Variants in TNRC6C observed in about 807,000 individuals in gnomAD.
TNRC6C encodes trinucleotide repeat containing adaptor 6C.
A neutral mutation model predicts 153.7 loss-of-function variants in TNRC6C; 20 were observed. That is an observed-to-expected ratio of 0.13 (90% CI 0.09 to 0.19). The LOEUF (loss-of-function observed/expected upper bound fraction) is 0.19. Among genes scored for constraint, TNRC6C ranks in the 10% least tolerant of loss-of-function variants. The pLI, the probability that TNRC6C is intolerant of heterozygous loss-of-function variation, is 1.00. For missense variants in TNRC6C, 1,987 were observed against 2,172.0 expected (o/e 0.91, Z 1.69); for synonymous variants, 811 against 841.4 (o/e 0.96, Z 0.63).
chr17:78,048,904 A>G, exon 3 of TNRC6C: 5 of 1,265,006 alleles, frequency 4.0e-6, no homozygotes, highest in Non-Finnish European at 5.0e-6. Flanking sequence ...ACAGCAGCCT[A>G]CTTACAGAAG....
chr17:77,985,260 G>A (rs931697741), intron 1 of TNRC6C, among the ~76,000 whole-genome samples: 2 of 152,016 alleles, frequency 1.3e-5, no homozygotes, highest in African/African-American at 4.8e-5. Flanking sequence ...TCAATTCCTA[G>A]GCTACCCATG....
chr17:77,978,961 C>T (rs758984350), intron 1 of TNRC6C, among the ~76,000 whole-genome samples: 9 of 152,166 alleles, frequency 5.9e-5, no homozygotes, highest in Non-Finnish European at 8.8e-5. Context: ...CATTCACAGC[C>T]TCAGCCTATC....
chr17:78,097,476 G>A (rs368923946), intron 16 of TNRC6C, among the ~76,000 whole-genome samples: 3 of 152,132 alleles, frequency 2.0e-5, no homozygotes, highest in Non-Finnish European at 4.4e-5. Flanking sequence ...GCATTCTGGC[G>A]GGAATTCTCA....
At chr17:78,057,651 G>A (rs574243370) in intron 3 of TNRC6C, among the ~76,000 whole-genome samples, 32 of 152,256 alleles carry the variant, frequency 2.1e-4, no homozygotes, top group African/African-American at 6.3e-4. Context: ...ACTTCATGAA[G>A]TTTCTGCTAT....
intron 8 of TNRC6C, 93 bp from the exon 11 acceptor site, chr17:78,077,088 TATCC>T: frequency 7.4e-7 from 1 of 1,357,454 alleles, no homozygotes; most frequent in South Asian, 1.5e-5. Flanking sequence ...GTTAATTATT[TATCC>T]ATCCACGCCT....
intron 15 of TNRC6C, chr17:78,093,390 A>G: frequency 1.5e-6 from 1 of 672,196 alleles, no homozygotes; most frequent in South Asian, 2.0e-5. Context: ...TATCCGGTAA[A>G]ACTATTCCAA....
At chr17:77,958,938 C>T (rs1439034039), upstream of TNRC6C, among the ~76,000 whole-genome samples, 1 of 146,098 alleles carries the variant, frequency 6.8e-6, no homozygotes, top group African/African-American at 2.5e-5. Flanking sequence ...CCCAGCCGTC[C>T]GCAGCTGCCA....
intron 1 of TNRC6C, among the ~76,000 whole-genome samples, chr17:78,015,667 T>G (rs1416873072): frequency 1.3e-5 from 2 of 152,162 alleles, no homozygotes; most frequent in Non-Finnish European, 2.9e-5. Flanking sequence ...TCCCAGCCAC[T>G]TTGGGAGGCC....
At chr17:78,065,867 A>G (rs941046603) in intron 4 of TNRC6C, among the ~76,000 whole-genome samples, 14 of 152,214 alleles carry the variant, frequency 9.2e-5, no homozygotes, top group Admixed American at 7.2e-4. Context: ...GAATTCTTAT[A>G]TGGGTGTTTT....
intron 2 of TNRC6C, among the ~76,000 whole-genome samples, chr17:78,036,496 C>T (rs1567927478): frequency 6.6e-6 from 1 of 151,936 alleles, no homozygotes; most frequent in East Asian, 1.9e-4. Context: ...TAAAATTAAA[C>T]AATAGAGGAG....
intron 1 of TNRC6C, among the ~76,000 whole-genome samples, chr17:77,993,908 A>G (rs368413238): frequency 2.6e-5 from 4 of 151,988 alleles, no homozygotes; most frequent in African/African-American, 7.3e-5. Flanking sequence ...TATAGAAACT[A>G]TTGGCTGGGC....
At chr17:78,014,092 A>G (rs1295571225) in intron 1 of TNRC6C, among the ~76,000 whole-genome samples, 1 of 152,162 alleles carries the variant, frequency 6.6e-6, no homozygotes, top group Non-Finnish European at 1.5e-5. Flanking sequence ...AATACCTAAG[A>G]TTACTGCTAT....
chr17:78,085,127 G>A (rs890001291), intron 11 of TNRC6C, among the ~76,000 whole-genome samples: 1 of 152,162 alleles, frequency 6.6e-6, no homozygotes, highest in Non-Finnish European at 1.5e-5. Flanking sequence ...TTACTGTAGA[G>A]GAAGATCGCT....
rs574079020 is a variant in TNRC6C at position 78,028,144 on chromosome 17, C to G, written c.-545-3372C>G. Among the ~76,000 whole-genome samples, 4 of 152,314 alleles carry G rather than the reference C, an allele frequency of 2.6e-5. 1 individual carries two copies. Among genetic ancestry groups the G allele is most frequent in the African/African-American group, 9.6e-5 (4 of 41,566 alleles). On this transcript the variant is annotated intron_variant, in intron 1 of 19. Coordinates refer to ENST00000301624, the Ensembl canonical transcript of TNRC6C. ...CGATCTGACCTTGTGATCTGCCCGCCTCGGCCTCCCAAAGTGCTGGGATTA... is the reference window on the plus strand; with the variant it reads ...CGATCTGACCTTGTGATCTGCCCGCGTCGGCCTCCCAAAGTGCTGGGATTA...
intron 3 of TNRC6C, among the ~76,000 whole-genome samples, chr17:78,054,042 G>T (rs775271391): frequency 2.6e-5 from 4 of 152,126 alleles, no homozygotes; most frequent in Non-Finnish European, 4.4e-5. Context: ...TAGGCTATAC[G>T]GTACAGCCTG....
At chr17:78,098,419 A>G (rs777597266) in exon 17 of TNRC6C, 8 of 1,613,790 alleles carry the variant, frequency 5.0e-6, no homozygotes, top group South Asian at 2.2e-5. Context: ...CTCATGAACT[A>G]TGGAAGGTGC....
At chr17:78,031,059 A>G (rs1002822873) in intron 1 of TNRC6C, among the ~76,000 whole-genome samples, 9 of 152,062 alleles carry the variant, frequency 5.9e-5, no homozygotes, top group Non-Finnish European at 1.0e-4. Context: ...AGATGGTGCC[A>G]TACTGCCCTC....
chr17:77,991,748 C>A (rs142348427), intron 1 of TNRC6C, among the ~76,000 whole-genome samples: 1 of 152,030 alleles, frequency 6.6e-6, no homozygotes, highest in Admixed American at 6.6e-5. Flanking sequence ...CTTCAATTTC[C>A]AAAAAATGAG....
At chr17:78,004,415 TG>T, upstream of TNRC6C, 1 of 986,050 alleles carries the variant, frequency 1.0e-6, no homozygotes, top group Admixed American at 4.3e-5. Flanking sequence ...GATATCCTAC[TG>T]GTGAAATAAA....
Sources: gnomAD v4.1 joint callset for allele counts (sites outside exome capture counted in the v4.1 genomes callset) on GRCh38, gnomAD v4.1.1 for gene constraint, MANE v1.5 for transcripts, NCBI Gene and HGNC (gene_info 2026-07-23, HGNC 2026-07-21) for gene names.